TRIP12: variants seen among roughly 807,000 people sequenced by gnomAD.
TRIP12 encodes the protein thyroid hormone receptor interactor 12, also known as E3 ubiquitin-protein ligase TRIP12.
In TRIP12, 25 loss-of-function variants were observed where a neutral mutation model predicts 244.2. The observed-to-expected ratio is 0.10, with a 90% confidence interval of 0.07 to 0.14. The LOEUF (loss-of-function observed/expected upper bound fraction) is 0.14. Among genes scored for constraint, TRIP12 ranks in the 10% least tolerant of loss-of-function variants. TRIP12 has a pLI of 1.00. For missense variants in TRIP12, 1,677 were observed against 2,486.4 expected (o/e 0.67, Z 6.92); for synonymous variants, 905 against 873.1 (o/e 1.04, Z -0.64).
upstream of TRIP12, chr2:229,922,098 G>C (rs2076704881): frequency 6.0e-6 from 1 of 167,074 alleles, no homozygotes; most frequent in Non-Finnish European, 1.3e-5. Context: ...TCGGGCTCCG[G>C]TTACGGGCTC....
chr2:229,887,918 A>C (rs2066402190), intron 1 of TRIP12, among the ~76,000 whole-genome samples: 1 of 152,232 alleles, frequency 6.6e-6, no homozygotes, highest in Non-Finnish European at 1.5e-5. Context: ...GTTTATGTAC[A>C]GAAGAAAAGA....
chr2:229,845,408 T>C (rs2057367276), intron 4 of TRIP12, among the ~76,000 whole-genome samples: 1 of 152,346 alleles, frequency 6.6e-6, no homozygotes, highest in South Asian at 2.1e-4. Context: ...GAATGGTTTA[T>C]ACATTCCAGA....
chr2:229,774,368 G>T, intron 37 of TRIP12, 107 bp from the exon 38 acceptor site: 4 of 1,159,788 alleles, frequency 3.4e-6, no homozygotes, highest in Non-Finnish European at 4.8e-6. Flanking sequence ...TAATAAAGCT[G>T]ATGGGTTCAA....
intron 6 of TRIP12, among the ~76,000 whole-genome samples, chr2:229,832,978 A>G (rs1440042442): frequency 6.6e-6 from 1 of 152,212 alleles, no homozygotes; most frequent in Non-Finnish European, 1.5e-5. Flanking sequence ...TCTGGAGCCC[A>G]TACATTAAAA....
intron 8 of TRIP12, among the ~76,000 whole-genome samples, chr2:229,826,030 G>T (rs529466907): frequency 6.6e-6 from 1 of 152,210 alleles, no homozygotes; most frequent in East Asian, 1.9e-4. Context: ...ACCTTTGGAG[G>T]ACATAAAAAT....
intron 2 of TRIP12, among the ~76,000 whole-genome samples, chr2:229,872,440 T>C (rs546443734): frequency 1.3e-5 from 2 of 152,116 alleles, no homozygotes; most frequent in Non-Finnish European, 2.9e-5. Flanking sequence ...GACAGGCACC[T>C]GTAGTCCCAG....
chr2:229,817,302 A>G lies in TRIP12; in HGVS notation c.1599+1062T>C, dbSNP rs148760499. ...ATTTCCAAAATAAAACATACCACAA[A>G]TGTAAATGTTTATGTTTGTCTTTTG... On this transcript the variant is annotated intron_variant, in intron 9 of 41. Coordinates refer to ENST00000675903, the MANE Select transcript of TRIP12 (RefSeq NM_001348323.3). 4.7e-3 allele frequency among the ~76,000 whole-genome samples: 712 copies of G among 152,306 alleles called. 4 individuals are homozygous for G. Among genetic ancestry groups the G allele is most frequent in the African/African-American group, 0.016 (683 of 41,568 alleles).
intron 6 of TRIP12, among the ~76,000 whole-genome samples, chr2:229,833,371 T>C (rs550120567): frequency 4.6e-5 from 7 of 152,314 alleles, no homozygotes; most frequent in African/African-American, 1.4e-4. Context: ...CACTGCAACT[T>C]CCGCCTCCAG....
intron 41 of TRIP12, among the ~76,000 whole-genome samples, chr2:229,768,119 T>C (rs1233416339): frequency 6.6e-6 from 1 of 151,986 alleles, no homozygotes; most frequent in African/African-American, 2.4e-5. Context: ...TAGCCAGACA[T>C]GGTGCTGTGT....
At chr2:229,871,242 AAAGAG>A (rs1576410398) in intron 2 of TRIP12, among the ~76,000 whole-genome samples, 2 of 152,120 alleles carry the variant, frequency 1.3e-5, no homozygotes, top group South Asian at 2.1e-4. Flanking sequence ...AGAAGAAAGA[AAAGAG>A]AAGAGATCCT....
chr2:229,783,728 C>T (rs897279879), intron 34 of TRIP12, among the ~76,000 whole-genome samples: 2 of 151,686 alleles, frequency 1.3e-5, no homozygotes, highest in South Asian at 2.1e-4. Context: ...GAATCAAAAT[C>T]CTGTCAAACT....
At chr2:229,796,381 T>C (rs1242360775) in intron 25 of TRIP12, among the ~76,000 whole-genome samples, 1 of 152,182 alleles carries the variant, frequency 6.6e-6, no homozygotes, top group South Asian at 2.1e-4. Flanking sequence ...ATCATAGAAA[T>C]AGTGACATGG....
At chr2:229,795,099 C>A in intron 26 of TRIP12, 80 bp downstream of exon 26, 1 of 1,512,872 alleles carries the variant, frequency 6.6e-7, no homozygotes. Flanking sequence ...AAGACTTTAC[C>A]AGACCTCTTG....
intron 2 of TRIP12, among the ~76,000 whole-genome samples, chr2:229,878,443 T>TAA (rs779143943): frequency 6.7e-5 from 9 of 133,372 alleles, no homozygotes; most frequent in South Asian, 4.8e-4. Context: ...GCAACTGTTT[T>TAA]AAAAAAAAAA....
chr2:229,778,520 T>C lies in TRIP12; in HGVS notation c.5277A>G (p.Thr1759=). 1 of 1,614,078 alleles carries C rather than the reference T, an allele frequency of 6.2e-7. No individual in the cohort carries two copies. Among genetic ancestry groups the C allele is most frequent in the African/African-American group, 1.3e-5 (1 of 75,024 alleles). Residue 1759 remains threonine (T), a synonymous_variant, in exon 36 of 42, where the codon ACA becomes ACG. Coordinates refer to ENST00000675903, the MANE Select transcript of TRIP12 (RefSeq NM_001348323.3). The surrounding 1 kb of genome is among the most constrained non-coding windows in gnomAD (Gnocchi z 4.1). ...CCTTTGCGATATGAGCTGGCTTTGCTGTCCTACCAAAGGGAAGCGCAAACA... is the reference window on the plus strand; with the variant it reads ...CCTTTGCGATATGAGCTGGCTTTGCCGTCCTACCAAAGGGAAGCGCAAACA... ...QGLFALPFGR[T]AKPAHIAKVK...
intron 37 of TRIP12, 51 bp downstream of exon 37, chr2:229,777,264 A>C: frequency 6.4e-7 from 1 of 1,565,466 alleles, no homozygotes. Context: ...CAAAAGCCTC[A>C]TTTTTCTAAA....
chr2:229,922,416 A>T, upstream of TRIP12: 2 of 1,157,234 alleles, frequency 1.7e-6, no homozygotes, highest in Admixed American at 1.9e-5. Context: ...CTGCCAGCTC[A>T]TAAGCGTGGT....
chr2:229,776,642 A>G (rs1055016009), intron 37 of TRIP12, among the ~76,000 whole-genome samples: 4 of 152,212 alleles, frequency 2.6e-5, no homozygotes, highest in Non-Finnish European at 4.4e-5. Context: ...TTATAAAATG[A>G]GAGTTGATTA....
At chr2:229,897,406 G>A (rs1233606499) in intron 1 of TRIP12, among the ~76,000 whole-genome samples, 1 of 152,172 alleles carries the variant, frequency 6.6e-6, no homozygotes, top group Non-Finnish European at 1.5e-5. Flanking sequence ...CCAGCACTTT[G>A]GGAGGCCAAG....
Sources: gnomAD v4.1 joint callset for allele counts (sites outside exome capture counted in the v4.1 genomes callset) on GRCh38, gnomAD v4.1.1 for gene constraint, Gnocchi (gnomAD v3.1) non-coding constraint, MANE v1.5 for transcripts, NCBI Gene and HGNC (gene_info 2026-07-23, HGNC 2026-07-21) for gene names.